The following CCDC171 variants were observed in gnomAD, a reference collection of about 807,000 sequenced individuals.
CCDC171 encodes the protein coiled-coil domain containing 171.
A neutral mutation model predicts 168.2 loss-of-function variants in CCDC171; 177 were observed. That is an observed-to-expected ratio of 1.05 (90% CI 0.93 to 1.19). The LOEUF (loss-of-function observed/expected upper bound fraction) is 1.19, where lower values mean the gene tolerates loss of function less well. Ranked by LOEUF, CCDC171 falls within the 50% of genes most tolerant of loss-of-function variation. The probability of loss-of-function intolerance (pLI) is 0.00; values close to 1 mark genes in which losing one functional copy is unlikely to be tolerated. For synonymous variants in CCDC171, 687 were observed against 540.8 expected, an observed-to-expected ratio of 1.27 and a Z score of -3.75; for missense variants, 1,991 against 1,539.0, an observed-to-expected ratio of 1.29 and a Z score of -4.91.
the CCDC171 span, among the ~76,000 whole-genome samples, chr9:16,082,279 A>G: frequency 1.6e-4 from 24 of 152,340 alleles, no homozygotes; most frequent in Admixed American, 3.3e-4. Flanking sequence ...TTTATGCTAT[A>G]AAATGATTAT....
rs979382706 is a variant in CCDC171, at chr9:15,730,461, G to T, written c.2049+663G>T. Among the ~76,000 whole-genome samples the T allele has an allele frequency of 1.1e-4, 17 of 151,852 alleles. No homozygotes were observed. The East Asian group carries it at 1.7e-3, about 16-fold the overall frequency. ...TAATCAGGAATAACTTGATGATAGG[G>T]TATACTTTTTTGGCATTGAATTTAT... is the stretch of plus-strand genomic sequence containing the variant. On this transcript the variant is annotated intron_variant, in intron 16 of 25. Transcript: ENST00000380701.
intron 21 of CCDC171, among the ~76,000 whole-genome samples, chr9:15,785,949 G>A (rs1033524953): frequency 6.6e-6 from 1 of 151,786 alleles, no homozygotes; most frequent in Admixed American, 6.6e-5. Flanking sequence ...TCCTGTAAAT[G>A]TTGAAACTGG....
At chr9:15,797,549 C>T (rs1448844527) in intron 21 of CCDC171, among the ~76,000 whole-genome samples, 1 of 152,030 alleles carries the variant, frequency 6.6e-6, no homozygotes, top group African/African-American at 2.4e-5. Flanking sequence ...GGTTGTTTGT[C>T]TTATTCATTG....
chr9:15,918,762 T>C (rs1386324618), intron 24 of CCDC171, among the ~76,000 whole-genome samples: 1 of 151,622 alleles, frequency 6.6e-6, no homozygotes, highest in African/African-American at 2.4e-5. Context: ...CTGCTTTTTT[T>C]CAACTTGAAC....
the CCDC171 span, among the ~76,000 whole-genome samples, chr9:16,082,849 G>T: frequency 6.6e-6 from 1 of 152,058 alleles, no homozygotes; most frequent in Non-Finnish European, 1.5e-5. Context: ...TTTTGGCTTT[G>T]TCTAAGCTGT....
chr9:15,791,829 A>C (rs1404120861), intron 21 of CCDC171, among the ~76,000 whole-genome samples: 1 of 152,250 alleles, frequency 6.6e-6, no homozygotes, highest in Non-Finnish European at 1.5e-5. Flanking sequence ...TATGTACGTC[A>C]CCATCATCAA....
chr9:15,899,698 C>T (rs961873333), intron 24 of CCDC171, among the ~76,000 whole-genome samples: 2 of 152,110 alleles, frequency 1.3e-5, no homozygotes, highest in African/African-American at 4.8e-5. Context: ...GCCTTTTGCT[C>T]ATTTTCTAAT....
In CCDC171 at chr9:16,021,160, G is replaced by A. The variant is rs7848858; in HGVS notation, n.574+366G>A. On this transcript the variant is annotated intron_variant and non_coding_transcript_variant, in intron 4 of 9. Coordinates refer to the CCDC171 transcript ENST00000486641. ...TGGAGTGCAATGGCGTGATCTCGGC[G>A]CACTGCAACCTCCGCCTCCGGGGTT... Among the ~76,000 whole-genome samples the A allele has an allele frequency of 5.3e-5, 8 of 152,192 alleles. No individual in the cohort carries two copies. The South Asian group carries it at 1.5e-3, about 28-fold the overall frequency.
chr9:15,640,181 T>C (rs1323285188), intron 7 of CCDC171, among the ~76,000 whole-genome samples: 5 of 152,170 alleles, frequency 3.3e-5, no homozygotes, highest in Admixed American at 3.3e-4. Context: ...TGGGATTGAA[T>C]ATAAATGTAA....
chr9:15,832,458 G>A (rs970052711), intron 21 of CCDC171, among the ~76,000 whole-genome samples: 1 of 152,168 alleles, frequency 6.6e-6, no homozygotes, highest in Non-Finnish European at 1.5e-5. Flanking sequence ...AGGCTCCATG[G>A]TAAAGCCTGT....
chr9:16,098,358 C>T, the CCDC171 span, among the ~76,000 whole-genome samples: 11 of 152,236 alleles, frequency 7.2e-5, no homozygotes, highest in East Asian at 1.9e-4. Flanking sequence ...TTGTTGTCGT[C>T]GTCGTCATCA....
the CCDC171 span, among the ~76,000 whole-genome samples, chr9:16,101,411 C>G: frequency 4.6e-5 from 7 of 152,322 alleles, no homozygotes; most frequent in African/African-American, 1.7e-4. Context: ...TTCTGAGATG[C>G]TCCCCAGTGA....
At chr9:15,670,047 A>C (rs80069655) in intron 9 of CCDC171, among the ~76,000 whole-genome samples, 4 of 152,022 alleles carry the variant, frequency 2.6e-5, no homozygotes, top group African/African-American at 9.6e-5. Context: ...TTCTTGCCTA[A>C]ATCCTCCACC....
intron 25 of CCDC171, among the ~76,000 whole-genome samples, chr9:15,958,201 G>A (rs1389310832): frequency 1.3e-5 from 2 of 149,928 alleles, no homozygotes; most frequent in Non-Finnish European, 2.9e-5. Flanking sequence ...TCACTGTGCA[G>A]GCCACTGGTA....
chr9:15,806,119 A>G (rs2059063649), intron 21 of CCDC171, among the ~76,000 whole-genome samples: 1 of 151,828 alleles, frequency 6.6e-6, no homozygotes, highest in Non-Finnish European at 1.5e-5. Context: ...TTTTGAGCCT[A>G]CCTGTGTCTT....
chr9:16,079,992 C>G, the CCDC171 span, among the ~76,000 whole-genome samples: 1 of 152,164 alleles, frequency 6.6e-6, no homozygotes, highest in Non-Finnish European at 1.5e-5. Flanking sequence ...AAACCAGAAA[C>G]CTTCCATGCT....
At chr9:15,632,740 C>T (rs897534720) in intron 7 of CCDC171, among the ~76,000 whole-genome samples, 4 of 152,168 alleles carry the variant, frequency 2.6e-5, no homozygotes, top group Admixed American at 2.6e-4. Flanking sequence ...AAGAACAAAG[C>T]TGGAGACATC....
At chr9:15,652,817 C>G (rs1018743863) in intron 7 of CCDC171, among the ~76,000 whole-genome samples, 2 of 152,116 alleles carry the variant, frequency 1.3e-5, no homozygotes, top group African/African-American at 2.4e-5. Context: ...TCAAGATTGT[C>G]ATGTTAACGT....
In CCDC171 at chr9:15,556,924, A is replaced by G. The variant is rs188406776; in HGVS notation, c.-112+3622A>G. Among the ~76,000 whole-genome samples the G allele has an allele frequency of 6.2e-3, 938 of 152,216 alleles. 8 individuals carry two copies. Among genetic ancestry groups the G allele is most frequent in the African/African-American group, 0.022 (907 of 41,542 alleles). The stretch of plus-strand genomic sequence containing the variant: ...TCTTGACTTAATTTTTGTGTAAGGT[A>G]TAAGGAAGGGTTCCAGTTTCAGCTT... On this transcript the variant is annotated intron_variant, in intron 1 of 25. Transcript: ENST00000380701.
Sources: gnomAD v4.1 joint callset for allele counts (sites outside exome capture counted in the v4.1 genomes callset) on GRCh38, gnomAD v4.1.1 for gene constraint, MANE v1.5 for transcripts, NCBI Gene and HGNC (gene_info 2026-07-23, HGNC 2026-07-21) for gene names.